FGF13: variants seen among roughly 807,000 people sequenced by gnomAD.
FGF13 encodes fibroblast growth factor 13.
Under a neutral mutation model 19.5 loss-of-function variants are expected in FGF13, and 2 were observed. The ratio of observed to expected loss-of-function variants is 0.10; its 90% CI spans 0.04 to 0.32. FGF13 has a LOEUF of 0.32. Among genes scored for constraint, FGF13 ranks in the 10% least tolerant of loss-of-function variants. FGF13 has a pLI of 1.00. For missense variants in FGF13, 113 were observed against 192.7 expected (o/e 0.59, Z 2.45); for synonymous variants, 72 against 76.9 (o/e 0.94, Z 0.33).
intron 1 of FGF13, among the ~76,000 whole-genome samples, chrX:138,935,283 G>A (rs146653746): frequency 0.027 from 2,991 of 110,943 alleles, 112 homozygotes; most frequent in African/African-American, 0.093. Flanking sequence ...TGAGGATTGC[G>A]GGCCACAGTT....
At chrX:139,141,382 T>C (rs952106267) in intron 1 of FGF13, among the ~76,000 whole-genome samples, 2 of 112,237 alleles carry the variant, frequency 1.8e-5, no homozygotes, top group African/African-American at 6.5e-5. Context: ...AGTAACTGCA[T>C]TGACCTTTTC....
intron 1 of FGF13, among the ~76,000 whole-genome samples, chrX:139,030,466 T>G (rs1363872309): frequency 2.7e-5 from 3 of 111,800 alleles, no homozygotes; most frequent in African/African-American, 9.8e-5. Flanking sequence ...TCTACTGCTG[T>G]GTAAAAACCA....
chrX:138,844,220 G>A (rs376110645), intron 3 of FGF13, among the ~76,000 whole-genome samples: 1 of 111,933 alleles, frequency 8.9e-6, no homozygotes, highest in Admixed American at 9.5e-5. Context: ...AACTCAAGGG[G>A]TGATTTAATT....
chrX:138,758,599 C>A (rs2090446254), intron 3 of FGF13, among the ~76,000 whole-genome samples: 1 of 111,312 alleles, frequency 9.0e-6, no homozygotes, highest in African/African-American at 3.3e-5. Flanking sequence ...ACAGGAAATG[C>A]AAGGCCCTTG....
At chrX:138,710,180 G>A (rs1313682913) in intron 1 of FGF13, among the ~76,000 whole-genome samples, 1 of 110,420 alleles carries the variant, frequency 9.1e-6, no homozygotes, top group Non-Finnish European at 1.9e-5. Context: ...CCGCATTTTA[G>A]TAGCATGTAA....
intron 1 of FGF13, among the ~76,000 whole-genome samples, chrX:138,907,252 G>A (rs2091563216): frequency 9.0e-6 from 1 of 111,594 alleles, no homozygotes; most frequent in Non-Finnish European, 1.9e-5. Context: ...GTGCAGCAAT[G>A]GTTTAGCAAA....
At chrX:138,751,127 C>T (rs1022654429) in intron 3 of FGF13, among the ~76,000 whole-genome samples, 11 of 111,088 alleles carry the variant, frequency 9.9e-5, no homozygotes, top group Admixed American at 9.6e-5. Flanking sequence ...AAGATGACAA[C>T]CTTGGTAGGA....
chrX:138,809,349 T>C (rs889700605), intron 3 of FGF13, among the ~76,000 whole-genome samples: 1 of 111,925 alleles, frequency 8.9e-6, no homozygotes, highest in African/African-American at 3.2e-5. Context: ...AAAAACCACA[T>C]GATTATCTCA....
At chrX:138,871,234 C>A (rs1246692095) in intron 1 of FGF13, among the ~76,000 whole-genome samples, 4 of 112,419 alleles carry the variant, frequency 3.6e-5, no homozygotes, top group African/African-American at 1.3e-4. Flanking sequence ...AAAACATACA[C>A]ACAAAGAAGC....
intron 1 of FGF13, among the ~76,000 whole-genome samples, chrX:139,095,700 G>A (rs940137884): frequency 6.3e-5 from 7 of 111,795 alleles, no homozygotes; most frequent in Non-Finnish European, 1.3e-4. Context: ...ACAATACTTG[G>A]AATACAGTAG....
At chrX:139,159,138 A>C (rs1858807779) in intron 1 of FGF13, among the ~76,000 whole-genome samples, 2 of 112,328 alleles carry the variant, frequency 1.8e-5, no homozygotes, top group Non-Finnish European at 3.8e-5. Context: ...TCTCTGCAGA[A>C]ACCCTACAAG....
chrX:139,013,719 T>C (rs1050104758), intron 1 of FGF13, among the ~76,000 whole-genome samples: 3 of 107,035 alleles, frequency 2.8e-5, no homozygotes, highest in Admixed American at 2.0e-4. Flanking sequence ...TATTGGACTT[T>C]GGGGACTTGG....
intron 3 of FGF13, among the ~76,000 whole-genome samples, chrX:138,774,976 T>C (rs2090577431): frequency 8.9e-6 from 1 of 112,512 alleles, no homozygotes; most frequent in African/African-American, 3.2e-5. Context: ...ATTTATTTAT[T>C]TGAGACAGGG....
chrX:138,803,000 C>G (rs1348201512), intron 3 of FGF13, among the ~76,000 whole-genome samples: 1 of 111,659 alleles, frequency 9.0e-6, no homozygotes, highest in East Asian at 2.8e-4. Context: ...AGACTTGAAA[C>G]CTCAGACTCA....
intron 1 of FGF13, among the ~76,000 whole-genome samples, chrX:138,739,062 A>G (rs909417769): frequency 1.3e-4 from 14 of 110,853 alleles, no homozygotes; most frequent in African/African-American, 4.3e-4. Flanking sequence ...AAAAGAATCC[A>G]TTCTTAACGT....
In FGF13 at chrX:138,907,328, C is replaced by T. The variant is rs181193836; in HGVS notation, c.-112-42678G>A. Reference sequence around the variant, plus strand: ...CTATCTCAATTGCCCTTAGTCACATCTCTGCTAGCTCCCCCTCCCCTCTCC... The same window carrying T: ...CTATCTCAATTGCCCTTAGTCACATTTCTGCTAGCTCCCCCTCCCCTCTCC... On this transcript the variant is annotated intron_variant, in intron 1 of 2. Transcript: ENST00000421460. 3.7e-3 allele frequency among the ~76,000 whole-genome samples: 417 copies of T among 111,898 alleles called. 14 individuals carry two copies. The Admixed American group carries it at 0.037, about 10-fold the overall frequency.
At chrX:138,719,194 T>C (rs890912759) in intron 1 of FGF13, among the ~76,000 whole-genome samples, 2 of 112,257 alleles carry the variant, frequency 1.8e-5, no homozygotes, top group African/African-American at 6.5e-5. Flanking sequence ...GATGTGACTA[T>C]GTTTTGGCTT....
intron 1 of FGF13, among the ~76,000 whole-genome samples, chrX:139,183,442 A>C (rs1346279750): frequency 9.0e-6 from 1 of 111,436 alleles, no homozygotes; most frequent in Non-Finnish European, 1.9e-5. Context: ...GCCTAGTGGG[A>C]GGTGTTTGGG....
chrX:139,054,894 G>T (rs191411583), intron 1 of FGF13, among the ~76,000 whole-genome samples: 5 of 85,991 alleles, frequency 5.8e-5, no homozygotes, highest in African/African-American at 2.4e-4. Context: ...GTTGTGTTGT[G>T]TTGTGTTGTA....
Sources: gnomAD v4.1 joint callset for allele counts (sites outside exome capture counted in the v4.1 genomes callset) on GRCh38, gnomAD v4.1.1 for gene constraint, MANE v1.5 for transcripts, NCBI Gene and HGNC (gene_info 2026-07-23, HGNC 2026-07-21) for gene names.